RBMS3: variants seen among roughly 807,000 people sequenced by gnomAD.
RBMS3 encodes RNA binding motif single stranded interacting protein 3, also known as RNA-binding motif, single-stranded-interacting protein 3.
RBMS3 carries 27 observed loss-of-function variants against 66.8 expected under a neutral mutation model. The ratio of observed to expected loss-of-function variants is 0.40; its 90% CI spans 0.30 to 0.56. RBMS3 has a LOEUF of 0.56. Ranked by LOEUF, RBMS3 falls within the 20% of genes least tolerant of loss-of-function variation. RBMS3 has a pLI of 0.40. For synonymous variants in RBMS3, 188 were observed against 183.0 expected (o/e 1.03, Z -0.22); for missense variants, 513 against 549.5 (o/e 0.93, Z 0.66).
At chr3:29,813,407 G>A (rs1033089243) in intron 6 of RBMS3, among the ~76,000 whole-genome samples, 2 of 152,096 alleles carry the variant, frequency 1.3e-5, no homozygotes, top group African/African-American at 4.8e-5. Flanking sequence ...ATGATGTGCT[G>A]TACAGAGCTT....
chr3:29,936,011 T>G (rs2061256272), intron 10 of RBMS3, 75 bp from the exon 11 acceptor site: 1 of 1,199,472 alleles, frequency 8.3e-7, no homozygotes, highest in Non-Finnish European at 1.2e-6. Context: ...ACATTTACAA[T>G]TTACAGTGTT....
chr3:29,536,553 T>G (rs1360727583), intron 3 of RBMS3, among the ~76,000 whole-genome samples: 2 of 152,198 alleles, frequency 1.3e-5, no homozygotes, highest in Non-Finnish European at 2.9e-5. Flanking sequence ...TCTCTTCTAT[T>G]TCTCTACCAT....
intron 4 of RBMS3, among the ~76,000 whole-genome samples, chr3:29,593,324 A>G (rs1379464685): frequency 6.6e-6 from 1 of 152,152 alleles, no homozygotes; most frequent in Non-Finnish European, 1.5e-5. Context: ...AGATCGTATT[A>G]GTAGTTTTTG....
intron 14 of RBMS3, among the ~76,000 whole-genome samples, chr3:30,000,613 AC>A (rs1359238260): frequency 1.3e-5 from 2 of 152,204 alleles, no homozygotes; most frequent in Non-Finnish European, 2.9e-5. Context: ...GGCACTGTTC[AC>A]AATAGCAAAG....
At chr3:29,314,224 A>G (rs539371316) in intron 1 of RBMS3, among the ~76,000 whole-genome samples, 1 of 151,882 alleles carries the variant, frequency 6.6e-6, no homozygotes, top group Admixed American at 6.6e-5. Context: ...GTTTAGATGT[A>G]ATGTAGTTGG....
intron 4 of RBMS3, among the ~76,000 whole-genome samples, chr3:29,622,270 AAATAT>A (rs1369395082): frequency 6.6e-6 from 1 of 152,198 alleles, no homozygotes; most frequent in African/African-American, 2.4e-5. Flanking sequence ...ATATCCAAAT[AAATAT>A]AATATAATTT....
intron 4 of RBMS3, among the ~76,000 whole-genome samples, chr3:29,706,635 G>A (rs1472062132): frequency 1.3e-5 from 2 of 152,156 alleles, no homozygotes; most frequent in African/African-American, 4.8e-5. Flanking sequence ...GGAGAACAAC[G>A]AATGACATCT....
chr3:29,663,361 A>C (rs1468049830), intron 4 of RBMS3, among the ~76,000 whole-genome samples: 1 of 152,226 alleles, frequency 6.6e-6, no homozygotes, highest in Non-Finnish European at 1.5e-5. Flanking sequence ...AATTTCTTGC[A>C]TAACGAAGAC....
At chr3:29,970,379 CCTT>C (rs1697147415) in intron 12 of RBMS3, among the ~76,000 whole-genome samples, 1 of 152,068 alleles carries the variant, frequency 6.6e-6, no homozygotes, top group South Asian at 2.1e-4. Context: ...ATTTTGGCTG[CCTT>C]CTTCTTTGCT....
At chr3:29,984,846 G>T (rs1698260778) in intron 12 of RBMS3, among the ~76,000 whole-genome samples, 1 of 152,176 alleles carries the variant, frequency 6.6e-6, no homozygotes, top group South Asian at 2.1e-4. Flanking sequence ...CAGGAGGCAT[G>T]AGGGTCAGGG....
At chr3:29,656,566 A>G (rs1470794452) in intron 4 of RBMS3, among the ~76,000 whole-genome samples, 1 of 152,198 alleles carries the variant, frequency 6.6e-6, no homozygotes, top group African/African-American at 2.4e-5. Flanking sequence ...AAGCATAACT[A>G]TAAAGACTCT....
intron 4 of RBMS3, among the ~76,000 whole-genome samples, chr3:29,708,927 A>G (rs1439117989): frequency 6.6e-6 from 1 of 152,150 alleles, no homozygotes; most frequent in Non-Finnish European, 1.5e-5. Flanking sequence ...AGTTGACCCA[A>G]GGTCACGCCT....
chr3:29,735,950 A>G (rs1268769210), intron 4 of RBMS3, among the ~76,000 whole-genome samples: 1 of 152,178 alleles, frequency 6.6e-6, no homozygotes, highest in Admixed American at 6.5e-5. Context: ...TTAAGTTAAA[A>G]AATTATAAAA....
intron 4 of RBMS3, among the ~76,000 whole-genome samples, chr3:29,732,438 GC>G (rs2054178608): frequency 6.6e-6 from 1 of 152,080 alleles, no homozygotes; most frequent in African/African-American, 2.4e-5. Flanking sequence ...TTCAAAAATA[GC>G]CCCATAGAAA....
At chr3:29,765,852 C>T in intron 6 of RBMS3, 1 of 155,976 alleles carries the variant, frequency 6.4e-6, no homozygotes, top group Non-Finnish European at 1.4e-5. Context: ...GGAGGCCTCA[C>T]AATCATGGTG....
chr3:29,480,450 T>A (rs747656548), intron 2 of RBMS3, among the ~76,000 whole-genome samples: 18 of 151,992 alleles, frequency 1.2e-4, no homozygotes, highest in Non-Finnish European at 1.8e-4. Context: ...GTGATGGAGA[T>A]AAGGGAAAAA....
rs181608174 is a variant in RBMS3 at position 29,692,102 on chromosome 3, C to A, written c.400-47618C>A. On this transcript the variant is annotated intron_variant, in intron 4 of 14. Coordinates refer to ENST00000383767, the MANE Select transcript of RBMS3 (RefSeq NM_001003793.3). Reference sequence around the variant, plus strand: ...ATTCAAGCAATTCTCCTGCCTCAGCCTCCCAAGTAGCTGGGATTACAGATG... The same window carrying A: ...ATTCAAGCAATTCTCCTGCCTCAGCATCCCAAGTAGCTGGGATTACAGATG... Among the ~76,000 whole-genome samples, 693 of 151,792 alleles carry A rather than the reference C, an allele frequency of 4.6e-3. 3 individuals carry two copies. The highest frequency in any genetic ancestry group is 6.4e-3 in the Non-Finnish European group (435 of 67,930).
chr3:29,319,317 C>T (rs766737969), intron 1 of RBMS3, among the ~76,000 whole-genome samples: 1 of 151,944 alleles, frequency 6.6e-6, no homozygotes, highest in Non-Finnish European at 1.5e-5. Context: ...AAAGGCAGGA[C>T]TCATTTCTCT....
At chr3:29,661,001 C>T (rs572874355) in intron 4 of RBMS3, among the ~76,000 whole-genome samples, 4 of 152,286 alleles carry the variant, frequency 2.6e-5, no homozygotes, top group Admixed American at 6.5e-5. Context: ...ATTTGGAGTA[C>T]GTGATCCTTT....
Sources: gnomAD v4.1 joint callset for allele counts (sites outside exome capture counted in the v4.1 genomes callset) on GRCh38, gnomAD v4.1.1 for gene constraint, MANE v1.5 for transcripts, NCBI Gene and HGNC (gene_info 2026-07-23, HGNC 2026-07-21) for gene names.